Variants in CCDC170 observed in about 807,000 individuals in gnomAD.
The protein encoded by CCDC170 is coiled-coil domain containing 170.
Under a neutral mutation model 72.6 loss-of-function variants are expected in CCDC170, and 69 were observed. The ratio of observed to expected loss-of-function variants is 0.95; its 90% confidence interval spans 0.78 to 1.16. CCDC170 has a LOEUF of 1.16. Ranked by LOEUF, CCDC170 falls within the 50% of genes most tolerant of loss-of-function variation. The probability of loss-of-function intolerance (pLI) is 0.00; values close to 1 mark genes in which losing one functional copy is unlikely to be tolerated. For missense variants in CCDC170, 852 were observed against 832.5 expected (o/e 1.02, Z -0.29); for synonymous variants, 300 against 303.9 (o/e 0.99, Z 0.13).
At chr6:151,572,911 C>T (rs1009991459) in intron 5 of CCDC170, among the ~76,000 whole-genome samples, 4 of 152,056 alleles carry the variant, frequency 2.6e-5, no homozygotes, top group Non-Finnish European at 5.9e-5. Context: ...CCTCAGCCTC[C>T]AAAATGCTGG....
At chr6:151,533,301 G>T (rs547272387) in intron 1 of CCDC170, among the ~76,000 whole-genome samples, 6 of 151,492 alleles carry the variant, frequency 4.0e-5, no homozygotes, top group Admixed American at 6.6e-5. Flanking sequence ...TGATCTGCCC[G>T]CCTTGGCCTC....
intron 5 of CCDC170, among the ~76,000 whole-genome samples, chr6:151,556,844 T>A (rs539679331): frequency 6.6e-6 from 1 of 152,016 alleles, no homozygotes; most frequent in African/African-American, 2.4e-5. Flanking sequence ...ATCTACTGTA[T>A]GCTTGTATCC....
At chr6:151,582,286 C>G (rs1413492668) in intron 6 of CCDC170, among the ~76,000 whole-genome samples, 1 of 152,224 alleles carries the variant, frequency 6.6e-6, no homozygotes, top group Admixed American at 6.5e-5. Flanking sequence ...GCTTCTACAT[C>G]AGCACTTACT....
In CCDC170 at chr6:151,620,678, GT is replaced by G. The variant is rs1033265754; in HGVS notation, c.*2536del. 5.3e-5 allele frequency: 8 copies of G among 152,080 alleles called. No individual in the cohort carries two copies. Among genetic ancestry groups the G allele is most frequent in the African/African-American group, 1.9e-4 (8 of 41,480 alleles). The allele number at this position is 152,080 out of a possible 1,614,324, so 9.4% of individuals were successfully genotyped here. A position where few individuals can be genotyped will look rare whatever the true frequency, so the allele number is the denominator to read the frequency against. On this transcript the variant is annotated 3_prime_UTR_variant, in exon 11 of 11. Coordinates refer to ENST00000239374, the MANE Select transcript of CCDC170 (RefSeq NM_025059.4). ...ATGTGGGTGTATGAGAGTGGAGATT[GT>G]TTTTGTACATTCTCTTTGTTTTCAT...
At position 151,547,600 on chromosome 6, in the gene CCDC170, C is replaced by A. The variant is rs1003087565; in HGVS notation, c.589-704C>A. 1.4e-4 allele frequency among the ~76,000 whole-genome samples: 21 copies of A among 152,228 alleles called. No individual in the cohort carries two copies. The East Asian group carries it at 3.3e-3, about 24-fold the overall frequency. On this transcript the variant is annotated intron_variant, in intron 4 of 10. Transcript: ENST00000239374. Reference sequence around the variant, plus strand: ...GAGGCTCAAAGGTATATCACTTCCACGGAGAGTCTCAACACAAATGCTGGC... The same window carrying A: ...GAGGCTCAAAGGTATATCACTTCCAAGGAGAGTCTCAACACAAATGCTGGC...
chr6:151,573,216 GAAGTT>G lies in CCDC170; in HGVS notation c.821_825del (p.Val274AspfsTer29). ...AGAAGCAAAAGAAGCTCTTGAAAGG[GAAGTT>G]AAGATCTTCCAAGAAAGGCTGCTTG... On this transcript the variant is annotated frameshift_variant, in exon 6 of 11. Coordinates refer to ENST00000239374, the MANE Select transcript of CCDC170 (RefSeq NM_025059.4). LOFTEE classifies it high-confidence loss of function. 1 of 1,614,000 alleles carries G rather than the reference GAAGTT, an allele frequency of 6.2e-7. No homozygotes were observed. Among genetic ancestry groups the G allele is most frequent in the Non-Finnish European group, 8.5e-7 (1 of 1,179,994 alleles).
intron 3 of CCDC170, among the ~76,000 whole-genome samples, chr6:151,541,709 A>G (rs1782693262): frequency 6.6e-6 from 1 of 151,224 alleles, no homozygotes; most frequent in African/African-American, 2.4e-5. Context: ...ATGATTATAG[A>G]AAAGCTATAA....
At chr6:151,602,257 A>G (rs527687028) in intron 9 of CCDC170, among the ~76,000 whole-genome samples, 1 of 152,270 alleles carries the variant, frequency 6.6e-6, no homozygotes, top group South Asian at 2.1e-4. Context: ...TGCAAGTAAA[A>G]TGTTTTTTCA....
chr6:151,524,763 ATGTGCCTATACACAT>A (rs1036127996), intron 1 of CCDC170, among the ~76,000 whole-genome samples: 12 of 152,200 alleles, frequency 7.9e-5, no homozygotes, highest in East Asian at 5.8e-4. Flanking sequence ...TTTCATTTCA[ATGTGCCTATACACAT>A]TGTGCCTATA....
At chr6:151,594,632 T>G (rs1776593341) in intron 8 of CCDC170, among the ~76,000 whole-genome samples, 1 of 151,784 alleles carries the variant, frequency 6.6e-6, no homozygotes, top group African/African-American at 2.4e-5. Context: ...AAAATTGCAA[T>G]GGAGTGGAAT....
chr6:151,497,952 C>CAAAAAAA (rs59201906), intron 1 of CCDC170, among the ~76,000 whole-genome samples: 360 of 57,704 alleles, frequency 6.2e-3, no homozygotes, highest in African/African-American at 7.6e-3. Context: ...CACACCATCT[C>CAAAAAAA]AAAAAAAAAA....
intron 6 of CCDC170, among the ~76,000 whole-genome samples, chr6:151,584,819 T>C (rs1776429835): frequency 6.6e-6 from 1 of 152,202 alleles, no homozygotes; most frequent in Admixed American, 6.5e-5. Flanking sequence ...AAAGGCAGAT[T>C]ACGTGTTTAA....
intron 9 of CCDC170, among the ~76,000 whole-genome samples, chr6:151,597,472 C>T (rs1295215643): frequency 6.6e-6 from 1 of 152,188 alleles, no homozygotes; most frequent in Admixed American, 6.5e-5. Flanking sequence ...TACATTTCTC[C>T]AAAGTGTTGG....
chr6:151,516,873 CT>C (rs1173970110), intron 1 of CCDC170, among the ~76,000 whole-genome samples: 3 of 152,334 alleles, frequency 2.0e-5, no homozygotes, highest in Admixed American at 6.5e-5. Flanking sequence ...GCCATATTGT[CT>C]TTTCCTTACT....
At chr6:151,610,667 A>G (rs76852229) in intron 9 of CCDC170, among the ~76,000 whole-genome samples, 2,465 of 152,328 alleles carry the variant, frequency 0.016, 32 homozygotes, top group Non-Finnish European at 0.023. Context: ...TATGCAGTTC[A>G]TAATCAAATA....
chr6:151,606,234 A>G (rs974515949), intron 9 of CCDC170, among the ~76,000 whole-genome samples: 2 of 152,178 alleles, frequency 1.3e-5, no homozygotes, highest in African/African-American at 4.8e-5. Flanking sequence ...AAACCTTTTT[A>G]TCATTTTGAT....
At position 151,543,726 on chromosome 6, in the gene CCDC170, T is replaced by C. The variant is rs187128575; in HGVS notation, c.444-846T>C. On this transcript the variant is annotated intron_variant, in intron 3 of 10. Coordinates refer to ENST00000239374, the MANE Select transcript of CCDC170 (RefSeq NM_025059.4). ...TATGAGTGAAAACATGAGGTAATTATCTTTCTGTACTTGACTTATTTTGCT... is the reference window on the plus strand; with the variant it reads ...TATGAGTGAAAACATGAGGTAATTACCTTTCTGTACTTGACTTATTTTGCT... Among the ~76,000 whole-genome samples the C allele has an allele frequency of 1.2e-3, 187 of 152,330 alleles. 1 individual carries two copies. The highest frequency in any genetic ancestry group is 3.9e-3 in the African/African-American group (161 of 41,578).
chr6:151,521,225 T>G (rs752961196), intron 1 of CCDC170, among the ~76,000 whole-genome samples: 3 of 152,178 alleles, frequency 2.0e-5, no homozygotes, highest in Non-Finnish European at 2.9e-5. Flanking sequence ...AAGGAGACAG[T>G]GGGTTCCATC....
intron 6 of CCDC170, among the ~76,000 whole-genome samples, chr6:151,578,771 A>G (rs959491725): frequency 6.6e-6 from 1 of 152,200 alleles, no homozygotes; most frequent in Non-Finnish European, 1.5e-5. Flanking sequence ...GATAACTTAC[A>G]TATTCCCCAA....
Sources: allele counts gnomAD v4.1 joint callset (sites outside exome capture counted in the v4.1 genomes callset), GRCh38; gene constraint gnomAD v4.1.1; transcripts MANE v1.5; gene names NCBI Gene and HGNC (gene_info 2026-07-23, HGNC 2026-07-21).